SHTN1: variants seen among roughly 807,000 people sequenced by gnomAD.
SHTN1 encodes the protein shootin-1.
Under a neutral mutation model 83.1 loss-of-function variants are expected in SHTN1, and 42 were observed. The observed-to-expected ratio is 0.51, with a 90% CI of 0.39 to 0.65. SHTN1 has a LOEUF of 0.65. SHTN1 is among the 30% of genes least tolerant of loss of function. The pLI is 0.00. For missense variants in SHTN1, 622 were observed against 737.8 expected, an observed-to-expected ratio of 0.84 and a Z score of 1.82; for synonymous variants, 224 against 247.7, an observed-to-expected ratio of 0.90 and a Z score of 0.90.
At chr10:116,938,935 C>T (rs1450497332) in intron 9 of SHTN1, among the ~76,000 whole-genome samples, 1 of 152,194 alleles carries the variant, frequency 6.6e-6, no homozygotes, top group Non-Finnish European at 1.5e-5. Flanking sequence ...TCGGCCCAGT[C>T]CGAACTTCCT....
rs1371169206 is a variant in SHTN1, at chr10:117,107,504, C to T, written c.-189+18803G>A. Among the ~76,000 whole-genome samples the T allele has an allele frequency of 2.0e-5, 3 of 152,250 alleles. No individual in the cohort carries two copies. In the East Asian group the frequency reaches 5.8e-4, roughly 29 times the overall value. On this transcript the variant is annotated intron_variant, in intron 1 of 17. Transcript: ENST00000392901. Reference sequence around the variant, plus strand: ...CGCATTGTCAACAAGAGCAATCCTGCCAGCTCCCCAGCCTCAGTGTGATTA... The same window carrying T: ...CGCATTGTCAACAAGAGCAATCCTGTCAGCTCCCCAGCCTCAGTGTGATTA...
Position 117,012,088 on chromosome 10 carries a change from G to A in SHTN1, c.-122-32780C>T, listed in dbSNP as rs376845546. The stretch of plus-strand genomic sequence containing the variant: ...CGGGAGGTGGAGCTTGCAGTGAGCC[G>A]AGATCGCGCCACTGCATTCCAGCCT... On this transcript the variant is annotated intron_variant, in intron 2 of 17. Transcript: ENST00000392901. 7.4e-5 allele frequency among the ~76,000 whole-genome samples: 11 copies of A among 149,284 alleles called. No individual in the cohort carries two copies. In the East Asian group the frequency reaches 9.9e-4, roughly 13 times the overall value.
chr10:116,960,467 T>C (rs961044511), intron 3 of SHTN1: 17 of 375,698 alleles, frequency 4.5e-5, no homozygotes, highest in African/African-American at 3.5e-4. Context: ...CATTTTATTA[T>C]GTACATTTTA....
upstream of SHTN1, among the ~76,000 whole-genome samples, chr10:117,009,966 A>G (rs1043023029): frequency 2.0e-5 from 3 of 152,134 alleles, no homozygotes; most frequent in African/African-American, 7.2e-5. Context: ...AGAGAAATTT[A>G]TAGTTCTAAT....
intron 16 of SHTN1, among the ~76,000 whole-genome samples, chr10:116,896,324 G>A (rs2133312659): frequency 6.6e-6 from 1 of 152,168 alleles, no homozygotes; most frequent in African/African-American, 2.4e-5. Flanking sequence ...CTTATTTATT[G>A]CTTGACTTAT....
chr10:116,928,256 AG>A (rs1198668498), intron 10 of SHTN1, among the ~76,000 whole-genome samples: 1 of 152,228 alleles, frequency 6.6e-6, no homozygotes, highest in African/African-American at 2.4e-5. Context: ...AAAAGTGTAC[AG>A]ACCAAGAATT....
chr10:116,887,262 G>A (rs969321930), intron 16 of SHTN1, among the ~76,000 whole-genome samples: 4 of 152,132 alleles, frequency 2.6e-5, no homozygotes, highest in Middle Eastern at 3.2e-3. Flanking sequence ...TCCTTCTCTC[G>A]TCTCTTCTGC....
intron 1 of SHTN1, among the ~76,000 whole-genome samples, chr10:116,982,493 A>T (rs1279248701): frequency 6.6e-6 from 1 of 152,208 alleles, no homozygotes; most frequent in African/African-American, 2.4e-5. Flanking sequence ...GCAAAAACTG[A>T]AGTGATCTAT....
chr10:117,005,411 C>T, upstream of SHTN1: 1 of 1,159,280 alleles, frequency 8.6e-7, no homozygotes, highest in Non-Finnish European at 1.1e-6. Flanking sequence ...GGGGGGCGGC[C>T]CTGCGTGGGG....
intron 2 of SHTN1, among the ~76,000 whole-genome samples, chr10:116,969,500 G>C (rs1362144990): frequency 6.6e-6 from 1 of 152,112 alleles, no homozygotes; most frequent in Non-Finnish European, 1.5e-5. Flanking sequence ...TCTCACCCAA[G>C]AAAAAGTGAT....
rs1434384466 is a variant in SHTN1 at position 116,927,809 on chromosome 10, T to G, written c.1095A>C (p.Pro365=). The change falls in exon 11 of 17, where the codon CCA becomes CCC. Residue 365 remains proline, a synonymous_variant. Transcript: ENST00000355371. ...PPPPPPPLPP[P]PPNPIRSLMS... Reference sequence around the variant, plus strand: ...GTGCTTACCGGATAGGATTGGGAGGTGGAGGGGGAAGTGGTGGTGGAGGAG... The same window carrying G: ...GTGCTTACCGGATAGGATTGGGAGGGGGAGGGGGAAGTGGTGGTGGAGGAG... 6.3e-7 allele frequency: 1 copy of G among 1,591,574 alleles called. No homozygotes were observed. The highest frequency in any genetic ancestry group is 1.8e-5 in the Admixed American group (1 of 57,004).
At chr10:116,990,545 C>T (rs1851391581) in intron 1 of SHTN1, among the ~76,000 whole-genome samples, 1 of 152,094 alleles carries the variant, frequency 6.6e-6, no homozygotes, top group South Asian at 2.1e-4. Flanking sequence ...ACATTCACTG[C>T]CTTGTTAACA....
rs535907593 is a variant in SHTN1, at chr10:116,929,895, C to T, written c.966G>A (p.Leu322=). Residue 322 remains leucine (L), a synonymous_variant, in exon 10 of 17, where the codon TTG becomes TTA. Transcript: ENST00000355371. The part of the protein sequence containing the change: ...LLEEDKKELE[L]KYQNSEEKAR... ...CTTTCTCTTCAGAATTCTGATATTTCAATTCCAATTCCTTTTTATCTTCCT... is the reference window on the plus strand; with the variant it reads ...CTTTCTCTTCAGAATTCTGATATTTTAATTCCAATTCCTTTTTATCTTCCT... 2 of 1,610,030 alleles carry T rather than the reference C, an allele frequency of 1.2e-6. No homozygotes were observed. Among genetic ancestry groups the T allele is most frequent in the South Asian group, 1.1e-5 (1 of 90,306 alleles).
In SHTN1 at chr10:116,883,527, G is replaced by C. The variant is rs1054777713; in HGVS notation, c.*2817C>G. 3 of 152,184 alleles carry C rather than the reference G, an allele frequency of 2.0e-5. No individual in the cohort carries two copies. Among genetic ancestry groups the C allele is most frequent in the Admixed American group, 1.3e-4 (2 of 15,282 alleles). 9.4% of individuals were successfully genotyped at this position (152,184 alleles called of 1,614,324 possible). A position where few individuals can be genotyped will look rare whatever the true frequency, so the allele number is the denominator to read the frequency against. Reference sequence around the variant, plus strand: ...ATATAAGCTAATGTTGTTCCACAACGAGTGTAACTGAACAGGTAGAGTATG... The same window carrying C: ...ATATAAGCTAATGTTGTTCCACAACCAGTGTAACTGAACAGGTAGAGTATG... On this transcript the variant is annotated 3_prime_UTR_variant, in exon 17 of 17. Transcript: ENST00000355371.
At position 117,005,187 on chromosome 10, in the gene SHTN1, G is replaced by C; in HGVS notation, c.-108C>G. 1 of 1,536,242 alleles carries C rather than the reference G, an allele frequency of 6.5e-7. No individual in the cohort carries two copies. Among genetic ancestry groups the C allele is most frequent in the Non-Finnish European group, 8.8e-7 (1 of 1,141,858 alleles). On this transcript the variant is annotated 5_prime_UTR_variant, in exon 1 of 17. Coordinates refer to ENST00000355371, the MANE Select transcript of SHTN1 (RefSeq NM_001127211.3). ...CCGGTGGCTTGCGGCTCCACTACCCGGAAGTTGGATCCGCTCCCGCTCCTC... is the reference window on the plus strand; with the variant it reads ...CCGGTGGCTTGCGGCTCCACTACCCCGAAGTTGGATCCGCTCCCGCTCCTC...
chr10:117,103,974 C>A (rs1263381359), intron 1 of SHTN1, among the ~76,000 whole-genome samples: 1 of 152,108 alleles, frequency 6.6e-6, no homozygotes, highest in Non-Finnish European at 1.5e-5. Context: ...AGGGCTGAGG[C>A]TTTCAGTAAA....
At chr10:116,909,857 T>C (rs976145787) in intron 14 of SHTN1, among the ~76,000 whole-genome samples, 10 of 152,308 alleles carry the variant, frequency 6.6e-5, no homozygotes, top group Middle Eastern at 3.4e-3. Flanking sequence ...TGTTCCACAA[T>C]AGAACCGAAC....
chr10:117,038,700 AG>A (rs1852538263), intron 2 of SHTN1, among the ~76,000 whole-genome samples: 1 of 152,232 alleles, frequency 6.6e-6, no homozygotes, highest in Non-Finnish European at 1.5e-5. Context: ...ACCTAACCAA[AG>A]AAGATATTTA....
chr10:117,039,633 C>T (rs1852553671), intron 2 of SHTN1, among the ~76,000 whole-genome samples: 1 of 151,900 alleles, frequency 6.6e-6, no homozygotes, highest in Non-Finnish European at 1.5e-5. Flanking sequence ...GGGGGCAGAT[C>T]ACGAGGTCAG....
Sources: gnomAD v4.1 joint callset for allele counts (sites outside exome capture counted in the v4.1 genomes callset) on GRCh38, gnomAD v4.1.1 for gene constraint, MANE v1.5 for transcripts, NCBI Gene and HGNC (gene_info 2026-07-23, HGNC 2026-07-21) for gene names.